ST6GALNAC3: variants seen among roughly 807,000 people sequenced by gnomAD.
The protein encoded by ST6GALNAC3 is alpha-N-acetylgalactosaminide alpha-2,6-sialyltransferase 3.
A neutral mutation model predicts 32.7 loss-of-function variants in ST6GALNAC3; 25 were observed. That is an observed-to-expected ratio of 0.76 (90% CI 0.56 to 1.07). The LOEUF is 1.07. Ranked by LOEUF, ST6GALNAC3 falls within the 50% of genes least tolerant of loss-of-function variation. ST6GALNAC3 has a pLI of 0.00. For synonymous variants in ST6GALNAC3, 129 were observed against 133.1 expected (o/e 0.97, Z 0.21); for missense variants, 355 against 382.4 (o/e 0.93, Z 0.60).
intron 2 of ST6GALNAC3, among the ~76,000 whole-genome samples, chr1:76,320,185 T>C (rs1156465523): frequency 6.6e-6 from 1 of 152,000 alleles, no homozygotes; most frequent in Non-Finnish European, 1.5e-5. Context: ...CAAAGCAGAG[T>C]TGGGTAAAAA....
intron 1 of ST6GALNAC3, among the ~76,000 whole-genome samples, chr1:76,242,342 G>A (rs1014853241): frequency 6.6e-6 from 1 of 152,100 alleles, no homozygotes; most frequent in Non-Finnish European, 1.5e-5. Flanking sequence ...AGAGTTGGGG[G>A]GAAGATCTTA....
rs1423222473 is a variant in ST6GALNAC3, at chr1:76,628,946, G to A, written c.*140G>A. On this transcript the variant is annotated 3_prime_UTR_variant, in exon 5 of 5. Transcript: ENST00000328299. ...AAGTTCCTGTACACTCTCAGATGTG[G>A]ATGGTGACTCTGCTAGTAATTTAAA... 1 of 1,465,132 alleles carries A rather than the reference G, an allele frequency of 6.8e-7. No individual in the cohort carries two copies. Among genetic ancestry groups the A allele is most frequent in the East Asian group, 2.5e-5 (1 of 40,134 alleles). 90.8% of individuals were successfully genotyped at this position (1,465,132 alleles called of 1,614,324 possible). A position where few individuals can be genotyped will look rare whatever the true frequency, so the allele number is the denominator to read the frequency against.
chr1:76,413,572 C>A (rs1334287516), intron 3 of ST6GALNAC3, among the ~76,000 whole-genome samples: 1 of 152,138 alleles, frequency 6.6e-6, no homozygotes, highest in Non-Finnish European at 1.5e-5. Context: ...GGTGGATCAA[C>A]TCTCCTTTGG....
At chr1:76,128,656 G>A (rs1415846817) in intron 1 of ST6GALNAC3, among the ~76,000 whole-genome samples, 4 of 152,150 alleles carry the variant, frequency 2.6e-5, no homozygotes, top group Non-Finnish European at 5.9e-5. Context: ...CAAATATGGA[G>A]TGCTTCCATA....
intron 2 of ST6GALNAC3, among the ~76,000 whole-genome samples, chr1:76,388,098 T>G (rs1271270836): frequency 6.6e-6 from 1 of 151,838 alleles, no homozygotes; most frequent in African/African-American, 2.4e-5. Context: ...TTTAATCCAC[T>G]ATATTTCAAA....
At chr1:76,184,870 G>C (rs1472929382) in intron 1 of ST6GALNAC3, among the ~76,000 whole-genome samples, 1 of 152,120 alleles carries the variant, frequency 6.6e-6, no homozygotes, top group Non-Finnish European at 1.5e-5. Flanking sequence ...GTAAAGATTT[G>C]CTTTAATTTT....
intron 1 of ST6GALNAC3, among the ~76,000 whole-genome samples, chr1:76,149,964 A>AC: frequency 6.6e-6 from 1 of 152,322 alleles, no homozygotes; most frequent in Middle Eastern, 3.4e-3. Flanking sequence ...GCCAGAGCTC[A>AC]CCTGGTTGAT....
At chr1:76,075,072 T>C (rs1646794406) in intron 1 of ST6GALNAC3, among the ~76,000 whole-genome samples, 188 bp downstream of exon 1, 1 of 152,256 alleles carries the variant, frequency 6.6e-6, no homozygotes, top group South Asian at 2.1e-4. Context: ...CACAGCTTCT[T>C]TTCCCACCAT....
intron 2 of ST6GALNAC3, among the ~76,000 whole-genome samples, chr1:76,352,045 GA>G (rs1232033697): frequency 1.3e-5 from 2 of 152,106 alleles, no homozygotes; most frequent in African/African-American, 4.8e-5. Flanking sequence ...TTTCATGTGG[GA>G]GGGGGTATAA....
chr1:76,328,555 G>C (rs906287488), intron 2 of ST6GALNAC3, among the ~76,000 whole-genome samples: 11 of 152,158 alleles, frequency 7.2e-5, no homozygotes, highest in African/African-American at 2.7e-4. Context: ...CATTTTAAAA[G>C]CAGTGTGGTT....
At chr1:76,535,337 C>G (rs1253559542) in intron 3 of ST6GALNAC3, among the ~76,000 whole-genome samples, 1 of 152,014 alleles carries the variant, frequency 6.6e-6, no homozygotes, top group Non-Finnish European at 1.5e-5. Context: ...AGTTATAAAC[C>G]AAACAATACC....
At chr1:76,259,518 C>T (rs1164432212) in intron 1 of ST6GALNAC3, among the ~76,000 whole-genome samples, 1 of 152,164 alleles carries the variant, frequency 6.6e-6, no homozygotes, top group African/African-American at 2.4e-5. Flanking sequence ...TCATCATCAC[C>T]ACCTCCATCA....
At chr1:76,538,528 G>A (rs1214360598) in intron 3 of ST6GALNAC3, among the ~76,000 whole-genome samples, 1 of 152,008 alleles carries the variant, frequency 6.6e-6, no homozygotes, top group African/African-American at 2.4e-5. Context: ...AGGGCAATCA[G>A]GCAACAGAAG....
At chr1:76,624,783 G>A (rs1384818541) in intron 3 of ST6GALNAC3, among the ~76,000 whole-genome samples, 1 of 151,790 alleles carries the variant, frequency 6.6e-6, no homozygotes, top group Non-Finnish European at 1.5e-5. Context: ...CAAAAGTTTT[G>A]TGACTATTGT....
At position 76,346,189 on chromosome 1, in the gene ST6GALNAC3, C is replaced by T. The variant is rs1053867636; in HGVS notation, c.213+32190C>T. Among the ~76,000 whole-genome samples the T allele has an allele frequency of 4.6e-5, 7 of 152,272 alleles. No homozygotes were observed. In the South Asian group the frequency reaches 1.2e-3, roughly 27 times the overall value. On this transcript the variant is annotated intron_variant, in intron 2 of 4. Transcript: ENST00000328299. Reference sequence around the variant, plus strand: ...TCAGCTTTCTTCTTGATTCATACATCGTCGGCACTTACGCCTCGAAGGTGG... The same window carrying T: ...TCAGCTTTCTTCTTGATTCATACATTGTCGGCACTTACGCCTCGAAGGTGG...
intron 3 of ST6GALNAC3, among the ~76,000 whole-genome samples, chr1:76,525,812 T>TAC (rs1372213571): frequency 1.7e-4 from 22 of 130,338 alleles, no homozygotes; most frequent in South Asian, 2.9e-4. Flanking sequence ...TATATATATA[T>TAC]ATATATATAT....
chr1:76,284,366 GA>G (rs1224201991), intron 1 of ST6GALNAC3, among the ~76,000 whole-genome samples: 1 of 152,178 alleles, frequency 6.6e-6, no homozygotes, highest in African/African-American at 2.4e-5. Flanking sequence ...AAATGTTTAT[GA>G]GGGGCACATT....
chr1:76,230,938 C>T lies in ST6GALNAC3; in HGVS notation c.19-82867C>T, dbSNP rs796446332. On this transcript the variant is annotated intron_variant, in intron 1 of 4. Transcript: ENST00000328299. ...TAATAATCCTTTCATTGTTTATGCA[C>T]GCACATTTGCAATGTAAATTTGCTG... 8.1e-4 allele frequency among the ~76,000 whole-genome samples: 124 copies of T among 152,326 alleles called. 1 individual carries two copies. Among genetic ancestry groups the T allele is most frequent in the African/African-American group, 2.7e-3 (113 of 41,574 alleles).
chr1:76,126,886 C>A (rs1389513524), intron 1 of ST6GALNAC3, among the ~76,000 whole-genome samples: 1 of 152,200 alleles, frequency 6.6e-6, no homozygotes, highest in African/African-American at 2.4e-5. Flanking sequence ...CACCTCCCAC[C>A]AGGGTCGTTG....
Sources: allele counts gnomAD v4.1 joint callset (sites outside exome capture counted in the v4.1 genomes callset), GRCh38; gene constraint gnomAD v4.1.1; transcripts MANE v1.5; gene names NCBI Gene and HGNC (gene_info 2026-07-23, HGNC 2026-07-21).